OVCH1: variants seen among roughly 807,000 people sequenced by gnomAD.
OVCH1 encodes the protein ovochymase-1.
In OVCH1, 139 loss-of-function variants were observed where a neutral mutation model predicts 138.4. The observed-to-expected ratio is 1.00, with a 90% CI of 0.87 to 1.16. The LOEUF is 1.16. Among genes scored for constraint, OVCH1 ranks in the 50% most tolerant of loss-of-function variants. The pLI is 0.00. For synonymous variants in OVCH1, 453 were observed against 467.8 expected (o/e 0.97, Z 0.41); for missense variants, 1,367 against 1,357.9 (o/e 1.01, Z -0.11).
intron 21 of OVCH1, among the ~76,000 whole-genome samples, chr12:29,452,330 C>T (rs1941819493): frequency 6.6e-6 from 1 of 152,102 alleles, no homozygotes; most frequent in Admixed American, 6.6e-5. Context: ...CTTTTATTCA[C>T]AGTAGAGGTG....
intron 10 of OVCH1, 41 bp from the exon 11 acceptor site, chr12:29,477,519 A>C: frequency 1.9e-6 from 3 of 1,613,940 alleles, no homozygotes; most frequent in South Asian, 2.2e-5. Context: ...ATTACTAAAA[A>C]GTGGTGGAAA....
intron 22 of OVCH1, among the ~76,000 whole-genome samples, chr12:29,450,188 G>A (rs946350879): frequency 1.3e-5 from 2 of 152,146 alleles, no homozygotes; most frequent in Non-Finnish European, 2.9e-5. Context: ...AAACTAAAGA[G>A]CTTCCGTACA....
chr12:29,433,757 T>TA lies in OVCH1; in HGVS notation c.3320dup (p.Leu1107PhefsTer4). Reference sequence around the variant, plus strand: ...TCCCTTATGATATACTTACATAACTTAAATTTGATGCAAATTTCTTCTGTT... The same window carrying TA: ...TCCCTTATGATATACTTACATAACTTAAAATTTGATGCAAATTTCTTCTGTT... On this transcript the variant is annotated frameshift_variant, in exon 27 of 28. Transcript: ENST00000318184. LOFTEE classifies it high-confidence loss of function. 7.0e-7 allele frequency: 1 copy of TA among 1,426,450 alleles called. No homozygotes were observed. Among genetic ancestry groups the TA allele is most frequent in the Non-Finnish European group, 9.4e-7 (1 of 1,059,918 alleles). 88.4% of individuals were successfully genotyped at this position (1,426,450 alleles called of 1,614,324 possible). A position where few individuals can be genotyped will look rare whatever the true frequency, so the allele number is the denominator to read the frequency against.
chr12:29,477,679 T>C, intron 9 of OVCH1: 1 of 1,364,434 alleles, frequency 7.3e-7, no homozygotes, highest in Non-Finnish European at 1.0e-6. Flanking sequence ...CAGTCTCACA[T>C]GTCCAAATTC....
chr12:29,410,206 T>G (rs1383662547), downstream of OVCH1, among the ~76,000 whole-genome samples: 1 of 141,926 alleles, frequency 7.0e-6, no homozygotes, highest in Non-Finnish European at 1.6e-5. Flanking sequence ...TGTGTGTCTC[T>G]GCGTGTGAGA....
intron 3 of OVCH1, among the ~76,000 whole-genome samples, chr12:29,416,800 G>A (rs1206679004): frequency 6.6e-6 from 1 of 152,014 alleles, no homozygotes; most frequent in Non-Finnish European, 1.5e-5. Flanking sequence ...TTACACTCTT[G>A]GACATTTATC....
At chr12:29,475,138 A>C in exon 14 of OVCH1, 2 of 1,561,758 alleles carry the variant, frequency 1.3e-6, no homozygotes. Flanking sequence ...TATCACCGTC[A>C]TGTTACTAGA....
At chr12:29,458,896 A>T (rs1232430473) in intron 19 of OVCH1, among the ~76,000 whole-genome samples, 1 of 152,226 alleles carries the variant, frequency 6.6e-6, no homozygotes, top group Non-Finnish European at 1.5e-5. Context: ...GGTGCTCAAC[A>T]TCATTGATCA....
chr12:29,451,399 G>C (rs1247171387), exon 22 of OVCH1: 3 of 1,613,140 alleles, frequency 1.9e-6, no homozygotes, highest in Non-Finnish European at 2.5e-6. Context: ...ACTGAGTCTT[G>C]ACACACAGGA....
At chr12:29,456,831 A>G (rs1366257380) in intron 19 of OVCH1, among the ~76,000 whole-genome samples, 2 of 152,238 alleles carry the variant, frequency 1.3e-5, no homozygotes, top group African/African-American at 4.8e-5. Flanking sequence ...GAAATTTTAT[A>G]AACCAGTTGT....
chr12:29,446,210 A>C (rs551373464), intron 22 of OVCH1, among the ~76,000 whole-genome samples: 10 of 152,248 alleles, frequency 6.6e-5, no homozygotes, highest in African/African-American at 2.4e-4. Flanking sequence ...CTCAGAACCA[A>C]GATGACTCAG....
At chr12:29,403,979 CAACATT>C in the OVCH1 span, among the ~76,000 whole-genome samples, 1 of 152,152 alleles carries the variant, frequency 6.6e-6, no homozygotes, top group East Asian at 1.9e-4. Context: ...AGGCATGAAA[CAACATT>C]AACTTTCTGT....
At chr12:29,437,490 T>A (rs2135911623) in intron 26 of OVCH1, among the ~76,000 whole-genome samples, 1 of 152,322 alleles carries the variant, frequency 6.6e-6, no homozygotes, top group East Asian at 1.9e-4. Flanking sequence ...GGTGATAATT[T>A]GCTTCAAAAC....
intron 16 of OVCH1, among the ~76,000 whole-genome samples, chr12:29,468,929 G>T (rs1011806234): frequency 6.6e-6 from 1 of 152,072 alleles, no homozygotes; most frequent in Non-Finnish European, 1.5e-5. Flanking sequence ...AATGAACCAG[G>T]GCTCCTTGGA....
chr12:29,411,658 C>T (rs1231371794), downstream of OVCH1, among the ~76,000 whole-genome samples: 1 of 152,126 alleles, frequency 6.6e-6, no homozygotes, highest in East Asian at 1.9e-4. Flanking sequence ...GATCGTTCCT[C>T]TGGAAGTTTT....
intron 3 of OVCH1, among the ~76,000 whole-genome samples, chr12:29,421,971 A>G (rs1200187274): frequency 6.6e-6 from 1 of 152,178 alleles, no homozygotes; most frequent in African/African-American, 2.4e-5. Flanking sequence ...TATGTATAAA[A>G]CATCAATTCT....
At chr12:29,428,535 A>C (rs1941216311) in intron 27 of OVCH1, among the ~76,000 whole-genome samples, 1 of 152,196 alleles carries the variant, frequency 6.6e-6, no homozygotes, top group East Asian at 1.9e-4. Context: ...GGTGCTATGG[A>C]GACCCATGGT....
downstream of OVCH1, among the ~76,000 whole-genome samples, chr12:29,424,837 G>A (rs1941156676): frequency 6.6e-6 from 1 of 151,968 alleles, no homozygotes; most frequent in Admixed American, 6.6e-5. Flanking sequence ...TAAATCAGTT[G>A]GTATTTACAA....
downstream of OVCH1, among the ~76,000 whole-genome samples, chr12:29,423,865 G>A (rs1427752885): frequency 2.6e-5 from 4 of 152,212 alleles, no homozygotes; most frequent in Non-Finnish European, 4.4e-5. Context: ...TGGAATGGAA[G>A]TGATGGGGAA....
Sources: gnomAD v4.1 joint callset for allele counts (sites outside exome capture counted in the v4.1 genomes callset) on GRCh38, gnomAD v4.1.1 for gene constraint, MANE v1.5 for transcripts, NCBI Gene and HGNC (gene_info 2026-07-23, HGNC 2026-07-21) for gene names.